Variants in KLF12 observed in about 807,000 individuals in gnomAD.
KLF12 encodes Krueppel-like factor 12.
A neutral mutation model predicts 37.8 loss-of-function variants in KLF12; 9 were observed. The observed-to-expected ratio is 0.24, with a 90% confidence interval of 0.14 to 0.42. KLF12 has a LOEUF of 0.42. Among genes scored for constraint, KLF12 ranks in the 10% least tolerant of loss-of-function variants. The pLI, the probability that KLF12 is intolerant of heterozygous loss-of-function variation, is 1.00. For synonymous variants in KLF12, 208 were observed against 202.1 expected (o/e 1.03, Z -0.25); for missense variants, 411 against 516.0 (o/e 0.80, Z 1.97).
chr13:74,284,007 A>G, the KLF12 span, among the ~76,000 whole-genome samples: 1 of 151,298 alleles, frequency 6.6e-6, no homozygotes, highest in Non-Finnish European at 1.5e-5. Flanking sequence ...ACAGGCACCC[A>G]CCTCCATGCC....
chr13:73,847,392 A>G (rs1885088532), intron 3 of KLF12, among the ~76,000 whole-genome samples: 1 of 152,134 alleles, frequency 6.6e-6, no homozygotes, highest in Non-Finnish European at 1.5e-5. Flanking sequence ...ATTATATTAA[A>G]TTGGTTCATT....
At chr13:74,217,469 C>G in the KLF12 span, among the ~76,000 whole-genome samples, 4 of 152,134 alleles carry the variant, frequency 2.6e-5, no homozygotes, top group Admixed American at 2.6e-4. Flanking sequence ...TGGCTCATGA[C>G]TGCAATCCTA....
At chr13:74,043,777 G>A (rs536344910) in intron 1 of KLF12, among the ~76,000 whole-genome samples, 50 of 152,284 alleles carry the variant, frequency 3.3e-4, no homozygotes, top group African/African-American at 1.2e-3. Context: ...ATTGGGCAAT[G>A]GATCTAGTTT....
chr13:74,137,755 T>G (rs1057485885), upstream of KLF12, among the ~76,000 whole-genome samples: 11 of 152,010 alleles, frequency 7.2e-5, no homozygotes, highest in African/African-American at 2.4e-4. Flanking sequence ...ATTTTTTATT[T>G]TATTTATTTA....
At chr13:74,157,571 G>A in the KLF12 span, among the ~76,000 whole-genome samples, 4 of 152,144 alleles carry the variant, frequency 2.6e-5, no homozygotes, top group Non-Finnish European at 5.9e-5. Flanking sequence ...AGTGAAAGAA[G>A]GGGAGCTCAA....
intron 2 of KLF12, among the ~76,000 whole-genome samples, chr13:73,955,184 T>G (rs571070915): frequency 1.5e-3 from 232 of 152,336 alleles, no homozygotes; most frequent in South Asian, 0.013. Context: ...AATATTTAAA[T>G]AATTATAATT....
the KLF12 span, chr13:74,258,843 C>T: frequency 6.6e-6 from 1 of 152,150 alleles, no homozygotes; most frequent in African/African-American, 2.4e-5. Flanking sequence ...TTGATGCAAG[C>T]AGTTTTTTTG....
At chr13:74,213,923 C>T in the KLF12 span, among the ~76,000 whole-genome samples, 1 of 152,036 alleles carries the variant, frequency 6.6e-6, no homozygotes, top group Non-Finnish European at 1.5e-5. Flanking sequence ...GAAGATTTAG[C>T]ATTTTTACCT....
intron 2 of KLF12, among the ~76,000 whole-genome samples, chr13:73,958,290 C>A (rs1235345252): frequency 6.6e-6 from 1 of 151,848 alleles, no homozygotes; most frequent in Non-Finnish European, 1.5e-5. Context: ...GTCGCCCAGG[C>A]TGGAGTGCAG....
At chr13:73,857,873 G>A (rs1335456367) in intron 3 of KLF12, among the ~76,000 whole-genome samples, 2 of 152,100 alleles carry the variant, frequency 1.3e-5, no homozygotes, top group East Asian at 3.9e-4. Flanking sequence ...AATCAGACAA[G>A]TTTGAGAAAC....
intron 5 of KLF12, among the ~76,000 whole-genome samples, chr13:73,766,547 C>A (rs1015672760): frequency 1.3e-5 from 2 of 152,098 alleles, no homozygotes; most frequent in African/African-American, 4.8e-5. Context: ...CCAGTTAAAG[C>A]CCCCTGACCT....
upstream of KLF12, among the ~76,000 whole-genome samples, chr13:74,135,016 G>A (rs996852195): frequency 3.3e-5 from 5 of 151,552 alleles, no homozygotes; most frequent in African/African-American, 1.2e-4. Flanking sequence ...CAACAATGGG[G>A]TCAGGCAGGG....
chr13:74,303,051 G>A, the KLF12 span, among the ~76,000 whole-genome samples: 3 of 152,206 alleles, frequency 2.0e-5, no homozygotes, highest in Admixed American at 2.0e-4. Context: ...AAGTGGTATT[G>A]ATTGTTATAC....
At chr13:73,790,109 A>G (rs1335428331) in intron 5 of KLF12, among the ~76,000 whole-genome samples, 1 of 152,150 alleles carries the variant, frequency 6.6e-6, no homozygotes, top group Non-Finnish European at 1.5e-5. Flanking sequence ...AGTACACAAT[A>G]TTTTATTCCC....
chr13:73,706,124 T>C (rs1874927462), intron 7 of KLF12, among the ~76,000 whole-genome samples: 1 of 152,128 alleles, frequency 6.6e-6, no homozygotes. Flanking sequence ...TGTACTCCTC[T>C]AGCCTGGCGA....
At chr13:74,019,656 A>G (rs568987048) in intron 1 of KLF12, among the ~76,000 whole-genome samples, 1 of 152,356 alleles carries the variant, frequency 6.6e-6, no homozygotes, top group East Asian at 1.9e-4. Flanking sequence ...CTTTTCCTGG[A>G]AACATCTTTT....
chr13:73,914,211 G>A (rs1888704721), intron 3 of KLF12, among the ~76,000 whole-genome samples: 1 of 152,078 alleles, frequency 6.6e-6, no homozygotes, highest in Non-Finnish European at 1.5e-5. Context: ...TCCTTTTCCA[G>A]GTCCTTCTCT....
intron 6 of KLF12, among the ~76,000 whole-genome samples, chr13:73,728,104 C>T (rs1225453694): frequency 2.0e-5 from 3 of 152,232 alleles, no homozygotes; most frequent in Non-Finnish European, 2.9e-5. Flanking sequence ...GAATATAGGA[C>T]ATCTTTCCGT....
rs150475438 is a variant in KLF12 at position 74,008,399 on chromosome 13, A to G, written c.-31-13346T>C. Among the ~76,000 whole-genome samples, 1,178 of 152,318 alleles carry G rather than the reference A, an allele frequency of 7.7e-3. 8 individuals carry two copies. Among genetic ancestry groups the G allele is most frequent in the African/African-American group, 0.026 (1,092 of 41,582 alleles). On this transcript the variant is annotated intron_variant, in intron 1 of 7. Coordinates refer to ENST00000377669, the MANE Select transcript of KLF12 (RefSeq NM_007249.5). ...ATCTGGTATTCCATCCATCTCATAAAGTCCTTTACATCAGCAACAGCTTTT... is the reference window on the plus strand; with the variant it reads ...ATCTGGTATTCCATCCATCTCATAAGGTCCTTTACATCAGCAACAGCTTTT...
Sources: gnomAD v4.1 joint callset for allele counts (sites outside exome capture counted in the v4.1 genomes callset) on GRCh38, gnomAD v4.1.1 for gene constraint, MANE v1.5 for transcripts, NCBI Gene and HGNC (gene_info 2026-07-23, HGNC 2026-07-21) for gene names.